The following PDE1C variants were observed in gnomAD, a reference collection of about 807,000 sequenced individuals.
The protein encoded by PDE1C is phosphodiesterase 1C.
A neutral mutation model predicts 93.1 loss-of-function variants in PDE1C; 62 were observed. The ratio of observed to expected loss-of-function variants is 0.67; its 90% CI spans 0.54 to 0.82. The LOEUF is 0.82. PDE1C is among the 40% of genes least tolerant of loss of function. The pLI is 0.00. For missense variants in PDE1C, 742 were observed against 884.6 expected (o/e 0.84, Z 2.04); for synonymous variants, 325 against 310.1 (o/e 1.05, Z -0.50).
intron 1 of PDE1C, among the ~76,000 whole-genome samples, chr7:32,305,982 T>C (rs184690151): frequency 6.6e-6 from 1 of 152,316 alleles, no homozygotes; most frequent in Admixed American, 6.5e-5. Context: ...AGGAACCTGG[T>C]GGGAGATAAT....
At chr7:31,792,934 C>G (rs2058408) in intron 16 of PDE1C, among the ~76,000 whole-genome samples, 80,939 of 151,856 alleles carry the variant, frequency 0.53, 23,318 homozygotes, top group Non-Finnish European at 0.64. Flanking sequence ...ATTCAGGAAA[C>G]TATTTAAGTG....
At chr7:32,404,329 T>C (rs1785009487) in intron 1 of PDE1C, among the ~76,000 whole-genome samples, 1 of 152,188 alleles carries the variant, frequency 6.6e-6, no homozygotes, top group African/African-American at 2.4e-5. Context: ...TAATTTCTAC[T>C]ACTTTTCTGT....
At chr7:31,743,907 A>G in the PDE1C span, among the ~76,000 whole-genome samples, 6 of 152,074 alleles carry the variant, frequency 3.9e-5, no homozygotes, top group South Asian at 2.1e-4. Flanking sequence ...ATGGGCTGCT[A>G]TATCTCCAGG....
chr7:31,835,569 C>T (rs1790986639), intron 11 of PDE1C, among the ~76,000 whole-genome samples: 1 of 150,326 alleles, frequency 6.7e-6, no homozygotes, highest in East Asian at 2.0e-4. Context: ...TGCATGTGCA[C>T]CATAGACAGA....
downstream of PDE1C, among the ~76,000 whole-genome samples, chr7:31,750,037 TAATTTTTA>T (rs965316000): frequency 4.6e-5 from 7 of 152,140 alleles, no homozygotes; most frequent in African/African-American, 1.7e-4. Context: ...CGTCTGGCCC[TAATTTTTA>T]AATTTTTAAA....
At chr7:31,950,550 T>G (rs772061238) in intron 2 of PDE1C, among the ~76,000 whole-genome samples, 31 of 152,210 alleles carry the variant, frequency 2.0e-4, no homozygotes, top group Non-Finnish European at 3.7e-4. Flanking sequence ...ACAGAGGTTT[T>G]CAGTATGTGT....
At chr7:31,633,740 A>C in the PDE1C span, among the ~76,000 whole-genome samples, 12 of 152,200 alleles carry the variant, frequency 7.9e-5, no homozygotes, top group Non-Finnish European at 1.6e-4. Flanking sequence ...ATTTTGTACC[A>C]TTGGAGGACA....
intron 1 of PDE1C, among the ~76,000 whole-genome samples, chr7:32,249,595 C>A (rs894034864): frequency 6.6e-6 from 1 of 152,182 alleles, no homozygotes; most frequent in African/African-American, 2.4e-5. Flanking sequence ...AGAGCCATCC[C>A]ACCACACTGG....
At chr7:32,008,088 T>G (rs1786521883) in intron 2 of PDE1C, among the ~76,000 whole-genome samples, 1 of 152,184 alleles carries the variant, frequency 6.6e-6, no homozygotes, top group Admixed American at 6.5e-5. Context: ...CAGCAAAAAC[T>G]CCTATACAGC....
At chr7:32,078,037 T>G (rs1796449204) in intron 3 of PDE1C, 6 of 985,206 alleles carry the variant, frequency 6.1e-6, no homozygotes, top group Non-Finnish European at 7.2e-6. Flanking sequence ...CCAGTATAAT[T>G]AACTTGGCTG....
the PDE1C span, among the ~76,000 whole-genome samples, chr7:31,686,173 G>A: frequency 6.6e-6 from 1 of 152,192 alleles, no homozygotes; most frequent in African/African-American, 2.4e-5. Context: ...GCATCACTGG[G>A]TGGTCCATTG....
rs565332665 is a variant in PDE1C, at chr7:31,943,499, C to T, written c.129-62639G>A. Reference sequence around the variant, plus strand: ...ATCAAGCAGATTTATTTTGTATTGCCCATGGTAGTATACCTAGAGGTTTTA... The same window carrying T: ...ATCAAGCAGATTTATTTTGTATTGCTCATGGTAGTATACCTAGAGGTTTTA... On this transcript the variant is annotated intron_variant, in intron 2 of 17. Transcript: ENST00000396191. Among the ~76,000 whole-genome samples the T allele has an allele frequency of 3.3e-4, 50 of 152,116 alleles. No homozygotes were observed. The Middle Eastern group carries it at 0.01, about 31-fold the overall frequency.
chr7:32,090,654 C>G (rs1797421241), intron 3 of PDE1C, among the ~76,000 whole-genome samples: 1 of 152,130 alleles, frequency 6.6e-6, no homozygotes, highest in African/African-American at 2.4e-5. Flanking sequence ...CAAGGATGCC[C>G]TTTTAGATGT....
chr7:32,384,345 A>C (rs1784588222), intron 1 of PDE1C, among the ~76,000 whole-genome samples: 2 of 152,242 alleles, frequency 1.3e-5, no homozygotes, highest in Non-Finnish European at 2.9e-5. Flanking sequence ...CAGGTATTGC[A>C]TAAATATATT....
chr7:31,723,925 T>C, the PDE1C span, among the ~76,000 whole-genome samples: 1 of 149,746 alleles, frequency 6.7e-6, no homozygotes, highest in Non-Finnish European at 1.5e-5. Flanking sequence ...TGAGCATTTC[T>C]TACTGCCTTT....
At chr7:32,104,668 G>A (rs1373559986) in intron 3 of PDE1C, among the ~76,000 whole-genome samples, 1 of 152,160 alleles carries the variant, frequency 6.6e-6, no homozygotes, top group Admixed American at 6.5e-5. Flanking sequence ...AAATGGGACT[G>A]GTGGTCTAAG....
At position 32,293,369 on chromosome 7, in the gene PDE1C, A is replaced by C. The variant is rs1430343496; in HGVS notation, c.85+5282T>G. 2.6e-5 allele frequency among the ~76,000 whole-genome samples: 4 copies of C among 152,172 alleles called. No individual in the cohort carries two copies. In the East Asian group the frequency reaches 7.7e-4, roughly 29 times the overall value. On this transcript the variant is annotated intron_variant, in intron 1 of 18. Coordinates refer to the PDE1C transcript ENST00000396193. ...CGGGCACTCTAATTGTTTGCTGACA[A>C]TGGCAACTCCATTGTGAGAGCTCCT...
At chr7:31,692,611 G>C in the PDE1C span, 8 of 1,287,058 alleles carry the variant, frequency 6.2e-6, no homozygotes, top group African/African-American at 1.5e-5. Context: ...GTCAGAGAGA[G>C]GGCACCCCCC....
intron 1 of PDE1C, among the ~76,000 whole-genome samples, chr7:32,240,638 G>A (rs1368453310): frequency 6.6e-6 from 1 of 152,130 alleles, no homozygotes; most frequent in Non-Finnish European, 1.5e-5. Flanking sequence ...ACTAAAAAAG[G>A]TGAGGACTCT....
Sources: gnomAD v4.1 joint callset for allele counts (sites outside exome capture counted in the v4.1 genomes callset) on GRCh38, gnomAD v4.1.1 for gene constraint, MANE v1.5 for transcripts, NCBI Gene and HGNC (gene_info 2026-07-23, HGNC 2026-07-21) for gene names.